Variants in LRRC4C observed in about 807,000 individuals in gnomAD.
The protein encoded by LRRC4C is leucine-rich repeat-containing protein 4C.
LRRC4C carries 5 observed loss-of-function variants against 33.6 expected under a neutral mutation model. That is an observed-to-expected ratio of 0.15 (90% confidence interval 0.08 to 0.31). The LOEUF is 0.31. LRRC4C is among the 10% of genes least tolerant of loss of function. LRRC4C has a pLI of 1.00. For synonymous variants in LRRC4C, 329 were observed against 302.0 expected, an observed-to-expected ratio of 1.09 and a Z score of -0.93; for missense variants, 560 against 796.7, an observed-to-expected ratio of 0.70 and a Z score of 3.58.
At chr11:40,578,873 A>G (rs1958335409) in intron 3 of LRRC4C, among the ~76,000 whole-genome samples, 1 of 152,178 alleles carries the variant, frequency 6.6e-6, no homozygotes, top group Non-Finnish European at 1.5e-5. Context: ...AATTTCTAGC[A>G]TCTAGAAGAG....
At chr11:41,298,316 T>A (rs1233446181) in intron 1 of LRRC4C, among the ~76,000 whole-genome samples, 1 of 152,164 alleles carries the variant, frequency 6.6e-6, no homozygotes, top group Non-Finnish European at 1.5e-5. Flanking sequence ...TTGTCTTTTT[T>A]TCCCAGAAGT....
intron 1 of LRRC4C, among the ~76,000 whole-genome samples, chr11:41,398,636 A>T (rs997285296): frequency 2.0e-5 from 3 of 151,912 alleles, no homozygotes; most frequent in African/African-American, 7.2e-5. Flanking sequence ...CTTGATTTCA[A>T]TTCTTCCTTG....
At chr11:41,253,996 G>A (rs1948721824) in intron 1 of LRRC4C, among the ~76,000 whole-genome samples, 1 of 151,936 alleles carries the variant, frequency 6.6e-6, no homozygotes, top group African/African-American at 2.4e-5. Flanking sequence ...AGTTTTAAGT[G>A]TCAATTTACT....
rs1956718102 is a variant in LRRC4C, at chr11:40,541,754, T to A, written c.-270+106388A>T. Among the ~76,000 whole-genome samples, 3 of 152,178 alleles carry A rather than the reference T, an allele frequency of 2.0e-5. No individual in the cohort carries two copies. In the South Asian group the frequency reaches 6.2e-4, roughly 32 times the overall value. On this transcript the variant is annotated intron_variant, in intron 3 of 6. Transcript: ENST00000528697. ...CATGACTCACTCAATCATCTCTGTA[T>A]CTCTGACACTGCCTAACCTTGATGT...
At chr11:40,180,285 T>C (rs1046429611) in intron 5 of LRRC4C, among the ~76,000 whole-genome samples, 5 of 152,342 alleles carry the variant, frequency 3.3e-5, no homozygotes, top group East Asian at 3.9e-4. Context: ...TCTGCACATA[T>C]GTGAAAAAGG....
chr11:40,489,710 C>T (rs1425767908), intron 3 of LRRC4C, among the ~76,000 whole-genome samples: 1 of 152,054 alleles, frequency 6.6e-6, no homozygotes. Flanking sequence ...CTTTTTCTAC[C>T]TTTCCTTTTT....
chr11:40,308,363 T>C (rs985644542), intron 4 of LRRC4C, among the ~76,000 whole-genome samples: 12 of 152,190 alleles, frequency 7.9e-5, no homozygotes, highest in African/African-American at 2.9e-4. Flanking sequence ...ACATTAACAC[T>C]TCATAGCATT....
At chr11:40,787,619 G>C (rs56414142) in intron 2 of LRRC4C, among the ~76,000 whole-genome samples, 14,471 of 152,146 alleles carry the variant, frequency 0.095, 782 homozygotes, top group African/African-American at 0.13. Context: ...TGTCATATCA[G>C]TATAAGTGAA....
chr11:40,318,819 A>G (rs1945702908), intron 4 of LRRC4C, among the ~76,000 whole-genome samples: 1 of 152,212 alleles, frequency 6.6e-6, no homozygotes, highest in Non-Finnish European at 1.5e-5. Flanking sequence ...AAAAACATAA[A>G]TGGTAGTAGT....
chr11:40,743,754 T>C (rs575482469), intron 2 of LRRC4C, among the ~76,000 whole-genome samples: 2 of 152,254 alleles, frequency 1.3e-5, no homozygotes, highest in South Asian at 4.1e-4. Flanking sequence ...CTTGTTTCAG[T>C]ATGAAAATAT....
At chr11:41,029,968 G>T (rs902724459) in intron 1 of LRRC4C, among the ~76,000 whole-genome samples, 5 of 151,742 alleles carry the variant, frequency 3.3e-5, no homozygotes, top group African/African-American at 9.7e-5. Context: ...ACCATCCAAG[G>T]ATAAATAGAA....
At chr11:40,507,948 A>G (rs1292537073) in intron 3 of LRRC4C, among the ~76,000 whole-genome samples, 1 of 152,048 alleles carries the variant, frequency 6.6e-6, no homozygotes, top group African/African-American at 2.4e-5. Flanking sequence ...CATGTTGGCC[A>G]GGCTGATTTC....
At chr11:41,421,550 C>T (rs952066804) in intron 1 of LRRC4C, among the ~76,000 whole-genome samples, 1 of 152,016 alleles carries the variant, frequency 6.6e-6, no homozygotes, top group Admixed American at 6.6e-5. Flanking sequence ...TGGGTGACTT[C>T]TGCAAACAGT....
At chr11:40,307,434 C>T (rs1020439771) in intron 4 of LRRC4C, among the ~76,000 whole-genome samples, 22 of 152,282 alleles carry the variant, frequency 1.4e-4, no homozygotes, top group Non-Finnish European at 2.8e-4. Flanking sequence ...GCAACACTCT[C>T]CCACCCAGCT....
intron 1 of LRRC4C, among the ~76,000 whole-genome samples, chr11:41,185,020 G>A (rs564339917): frequency 2.0e-5 from 3 of 152,032 alleles, no homozygotes; most frequent in African/African-American, 4.8e-5. Context: ...ACTATCATGC[G>A]AACAGCATGG....
intron 1 of LRRC4C, among the ~76,000 whole-genome samples, chr11:41,272,805 C>T (rs1035219385): frequency 3.3e-5 from 5 of 152,064 alleles, no homozygotes; most frequent in African/African-American, 1.2e-4. Flanking sequence ...GAAATGTTAA[C>T]AATTTTCAGG....
rs763680039 is a variant in LRRC4C at position 40,677,952 on chromosome 11, C to T, written c.-406-29674G>A. Among the ~76,000 whole-genome samples the T allele has an allele frequency of 5.3e-5, 8 of 151,948 alleles. 1 individual carries two copies. The highest frequency in any genetic ancestry group is 1.2e-4 in the African/African-American group (5 of 41,314). On this transcript the variant is annotated intron_variant, in intron 2 of 6. Transcript: ENST00000528697. ...GGCACATAAACCAGGAATGATAGAA[C>T]GGAGAGTTGGAAGAAGCCTGTGACT... is the stretch of plus-strand genomic sequence containing the variant.
intron 3 of LRRC4C, among the ~76,000 whole-genome samples, chr11:40,555,862 A>G (rs1267986728): frequency 6.6e-6 from 1 of 152,246 alleles, no homozygotes; most frequent in Non-Finnish European, 1.5e-5. Context: ...GTAAATCTGC[A>G]TGGTAAACAA....
intron 4 of LRRC4C, among the ~76,000 whole-genome samples, chr11:40,316,042 T>G (rs1223117440): frequency 6.6e-6 from 1 of 151,998 alleles, no homozygotes; most frequent in South Asian, 2.1e-4. Context: ...ATCTAATAAC[T>G]ATTTTAGCCA....
Sources: allele counts gnomAD v4.1 joint callset (sites outside exome capture counted in the v4.1 genomes callset), GRCh38; gene constraint gnomAD v4.1.1; transcripts MANE v1.5; gene names NCBI Gene and HGNC (gene_info 2026-07-23, HGNC 2026-07-21).